CAMTA1: variants seen among roughly 807,000 people sequenced by gnomAD.
CAMTA1 encodes the protein calmodulin binding transcription activator 1, also known as calmodulin-binding transcription activator 1.
A neutral mutation model predicts 170.9 loss-of-function variants in CAMTA1; 27 were observed. The observed-to-expected ratio is 0.16, with a 90% CI of 0.12 to 0.22. The LOEUF is 0.22. Ranked by LOEUF, CAMTA1 falls within the 10% of genes least tolerant of loss-of-function variation. The pLI is 1.00. For missense variants in CAMTA1, 1,619 were observed against 2,217.2 expected (o/e 0.73, Z 5.42); for synonymous variants, 833 against 891.5 (o/e 0.93, Z 1.17).
chr1:6,923,788 A>G (rs1682524591), intron 3 of CAMTA1, among the ~76,000 whole-genome samples: 1 of 152,220 alleles, frequency 6.6e-6, no homozygotes, highest in African/African-American at 2.4e-5. Context: ...GAAACAGGGC[A>G]GTGAACAGAT....
intron 3 of CAMTA1, among the ~76,000 whole-genome samples, chr1:7,078,558 T>C (rs1639617205): frequency 6.6e-6 from 1 of 152,210 alleles, no homozygotes; most frequent in Non-Finnish European, 1.5e-5. Flanking sequence ...ATGTCCTTCA[T>C]TGAAAGATTG....
At chr1:7,602,440 C>T (rs1471827367) in intron 6 of CAMTA1, among the ~76,000 whole-genome samples, 2 of 152,152 alleles carry the variant, frequency 1.3e-5, no homozygotes, top group Non-Finnish European at 2.9e-5. Context: ...ACTTTATTTG[C>T]ATAGAGGTCT....
chr1:6,865,626 A>G (rs1338055881), intron 3 of CAMTA1, among the ~76,000 whole-genome samples: 1 of 152,364 alleles, frequency 6.6e-6, no homozygotes, highest in East Asian at 1.9e-4. Flanking sequence ...CAGTATAATC[A>G]TAGTAATCAC....
chr1:7,008,680 C>T (rs1435076923), intron 3 of CAMTA1: 1 of 152,140 alleles, frequency 6.6e-6, no homozygotes, highest in African/African-American at 2.4e-5. Flanking sequence ...GGCGTTGGGA[C>T]CCCTTACGAG....
At chr1:7,530,679 C>T (rs1182203286) in intron 6 of CAMTA1, among the ~76,000 whole-genome samples, 2 of 152,106 alleles carry the variant, frequency 1.3e-5, no homozygotes, top group African/African-American at 2.4e-5. Flanking sequence ...ATGGAGCACA[C>T]AGTAGGGACT....
In CAMTA1 at chr1:7,251,077, C is replaced by T. The variant is rs965342450; in HGVS notation, c.438+1451C>T. Among the ~76,000 whole-genome samples, 3 of 152,100 alleles carry T rather than the reference C, an allele frequency of 2.0e-5. No homozygotes were observed. The highest frequency in any genetic ancestry group is 4.4e-5 in the Non-Finnish European group (3 of 68,014). Reference sequence around the variant, plus strand: ...CCCCGAACAACGAGGCTGCTCGCACCGGGAGTAATAGGGCTGCGGGAATTC... The same window carrying T: ...CCCCGAACAACGAGGCTGCTCGCACTGGGAGTAATAGGGCTGCGGGAATTC... On this transcript the variant is annotated intron_variant, in intron 5 of 22. Coordinates refer to ENST00000303635, the MANE Select transcript of CAMTA1 (RefSeq NM_015215.4). The surrounding 1 kb of genome is among the most constrained non-coding windows in gnomAD (Gnocchi z 5.1).
At position 7,463,875 on chromosome 1, in the gene CAMTA1, C is replaced by G. The variant is rs928591908; in HGVS notation, c.439-3955C>G. Among the ~76,000 whole-genome samples the G allele has an allele frequency of 2.4e-4, 36 of 152,332 alleles. No individual in the cohort carries two copies. Among genetic ancestry groups the G allele is most frequent in the African/African-American group, 8.7e-4 (36 of 41,580 alleles). ...TTTGAGGGGGCTCTGCGGCCATGCT[C>G]CCTTCAGAAACGCCACTTTCTTTTT... On this transcript the variant is annotated intron_variant, in intron 5 of 22. Coordinates refer to ENST00000303635, the MANE Select transcript of CAMTA1 (RefSeq NM_015215.4). The surrounding 1 kb of genome is among the most constrained non-coding windows in gnomAD (Gnocchi z 4.7).
intron 11 of CAMTA1, among the ~76,000 whole-genome samples, chr1:7,707,503 G>C (rs1021842584): frequency 2.6e-5 from 4 of 152,046 alleles, no homozygotes; most frequent in Non-Finnish European, 5.9e-5. Flanking sequence ...AGTCTCCTGG[G>C]TAGCTGGGAC....
chr1:7,400,913 TTATCATTA>T (rs1283361294), intron 5 of CAMTA1, among the ~76,000 whole-genome samples: 1 of 152,236 alleles, frequency 6.6e-6, no homozygotes, highest in African/African-American at 2.4e-5. Context: ...TACAAGTCAT[TTATCATTA>T]TGTGATTTGC....
chr1:7,266,956 T>C (rs1669029963), intron 5 of CAMTA1, among the ~76,000 whole-genome samples: 1 of 152,188 alleles, frequency 6.6e-6, no homozygotes, highest in African/African-American at 2.4e-5. Flanking sequence ...GATTCTGTTC[T>C]AAGTGTCATG....
At chr1:7,395,283 C>G (rs1407444211) in intron 5 of CAMTA1, among the ~76,000 whole-genome samples, 1 of 152,138 alleles carries the variant, frequency 6.6e-6, no homozygotes, top group African/African-American at 2.4e-5. Flanking sequence ...CATTGTTATG[C>G]ATGTAGATGT....
At chr1:7,721,616 C>A (rs191710714) in intron 11 of CAMTA1, among the ~76,000 whole-genome samples, 1 of 152,228 alleles carries the variant, frequency 6.6e-6, no homozygotes, top group African/African-American at 2.4e-5. Flanking sequence ...ATGAGAGAAC[C>A]CTAGAAACGT....
At chr1:7,283,118 A>T (rs1671749779) in intron 5 of CAMTA1, among the ~76,000 whole-genome samples, 1 of 152,180 alleles carries the variant, frequency 6.6e-6, no homozygotes. Context: ...AGAAGAGTAA[A>T]TACGAAAAAA....
intron 11 of CAMTA1, among the ~76,000 whole-genome samples, chr1:7,679,978 A>G (rs745824587): frequency 5.9e-5 from 9 of 152,166 alleles, no homozygotes; most frequent in Non-Finnish European, 1.3e-4. Context: ...TTCCCTGGCT[A>G]TTCTTTTTCC....
chr1:7,244,943 G>A (rs962173729), intron 4 of CAMTA1, among the ~76,000 whole-genome samples: 4 of 151,544 alleles, frequency 2.6e-5, no homozygotes, highest in East Asian at 1.9e-4. Context: ...AATTAACTTC[G>A]GAAGATTGAC....
At chr1:7,100,761 G>T (rs779224185) in intron 4 of CAMTA1, among the ~76,000 whole-genome samples, 14 of 152,156 alleles carry the variant, frequency 9.2e-5, no homozygotes, top group Non-Finnish European at 1.9e-4. Context: ...GGCGTGGTGT[G>T]GCCTCTCCCT....
chr1:7,720,470 C>T (rs1288009757), intron 11 of CAMTA1, among the ~76,000 whole-genome samples: 1 of 152,146 alleles, frequency 6.6e-6, no homozygotes, highest in Non-Finnish European at 1.5e-5. Flanking sequence ...CAACCTCCCT[C>T]TCCCAGGTTC....
intron 5 of CAMTA1, among the ~76,000 whole-genome samples, chr1:7,457,041 GCCCCGC>G (rs1575431392): frequency 3.1e-5 from 1 of 31,914 alleles, no homozygotes; most frequent in South Asian, 1.1e-3. Flanking sequence ...CCCCTCACCC[GCCCCGC>G]CCCCTGCGCC....
chr1:7,617,678 T>C (rs1335393176), intron 6 of CAMTA1, among the ~76,000 whole-genome samples: 1 of 151,816 alleles, frequency 6.6e-6, no homozygotes, highest in African/African-American at 2.4e-5. Flanking sequence ...TGAAGGACTT[T>C]GGTCATGCAC....
Sources: gnomAD v4.1 joint callset for allele counts (sites outside exome capture counted in the v4.1 genomes callset) on GRCh38, gnomAD v4.1.1 for gene constraint, Gnocchi (gnomAD v3.1) non-coding constraint, MANE v1.5 for transcripts, NCBI Gene and HGNC (gene_info 2026-07-23, HGNC 2026-07-21) for gene names.